The following SAMTOR variants were observed in gnomAD, a reference collection of about 807,000 sequenced individuals.
SAMTOR encodes UPF0532 protein C7orf60.
chr7:112,877,946 T>C, the SAMTOR span, among the ~76,000 whole-genome samples: 4 of 152,172 alleles, frequency 2.6e-5, no homozygotes, highest in Non-Finnish European at 4.4e-5. Flanking sequence ...ATGCTTCTTA[T>C]ATAGCCTGCA....
the SAMTOR span, among the ~76,000 whole-genome samples, chr7:112,925,677 C>A: frequency 6.6e-6 from 1 of 151,996 alleles, no homozygotes. Flanking sequence ...GCCTGTAATC[C>A]CAACTATTCG....
chr7:112,916,615 G>C, the SAMTOR span, among the ~76,000 whole-genome samples: 1 of 152,286 alleles, frequency 6.6e-6, no homozygotes, highest in Admixed American at 6.5e-5. Context: ...GCAGTGCACC[G>C]TGTGGGAGCC....
chr7:112,888,205 G>A, the SAMTOR span, among the ~76,000 whole-genome samples: 20 of 152,172 alleles, frequency 1.3e-4, no homozygotes, highest in African/African-American at 4.3e-4. Flanking sequence ...TTAGAGGTGT[G>A]ATGTTAGATC....
chr7:112,907,274 A>G, the SAMTOR span, among the ~76,000 whole-genome samples: 13 of 152,312 alleles, frequency 8.5e-5, no homozygotes, highest in Middle Eastern at 0.024. Flanking sequence ...GGGGAAATGG[A>G]TAACTTTGGT....
At chr7:112,846,498 A>C in the SAMTOR span, among the ~76,000 whole-genome samples, 1 of 152,268 alleles carries the variant, frequency 6.6e-6, no homozygotes, top group African/African-American at 2.4e-5. Flanking sequence ...CCTGAGCCTA[A>C]AATGTAAGTT....
At chr7:112,938,085 A>G in the SAMTOR span, among the ~76,000 whole-genome samples, 1 of 152,282 alleles carries the variant, frequency 6.6e-6, no homozygotes, top group Middle Eastern at 3.4e-3. Flanking sequence ...ATTGCAGGAA[A>G]ATGTGTCCAT....
the SAMTOR span, among the ~76,000 whole-genome samples, chr7:112,872,837 T>C: frequency 1.3e-5 from 2 of 150,882 alleles, no homozygotes; most frequent in East Asian, 3.9e-4. Context: ...AAAAAATCAG[T>C]AGCATTTCTA....
At chr7:112,868,702 T>A in the SAMTOR span, among the ~76,000 whole-genome samples, 3 of 152,162 alleles carry the variant, frequency 2.0e-5, no homozygotes, top group Non-Finnish European at 4.4e-5. Context: ...CATTTTAGTA[T>A]CAGTCAGAGA....
chr7:112,906,992 C>G, the SAMTOR span, among the ~76,000 whole-genome samples: 4 of 151,838 alleles, frequency 2.6e-5, no homozygotes, highest in Non-Finnish European at 4.4e-5. Flanking sequence ...ACCAGTTGAT[C>G]CTAAAGTACA....
chr7:112,931,019 T>C, the SAMTOR span, among the ~76,000 whole-genome samples: 1 of 152,220 alleles, frequency 6.6e-6, no homozygotes, highest in Non-Finnish European at 1.5e-5. Context: ...CTTTTGTCAG[T>C]CAAATGCAGT....
chr7:112,913,888 T>C, the SAMTOR span, among the ~76,000 whole-genome samples: 1 of 152,196 alleles, frequency 6.6e-6, no homozygotes. Flanking sequence ...TGCTTTATTT[T>C]TCTCATGGTG....
the SAMTOR span, among the ~76,000 whole-genome samples, chr7:112,834,841 G>A: frequency 1.3e-5 from 2 of 151,940 alleles, no homozygotes; most frequent in Non-Finnish European, 2.9e-5. Context: ...CATTGTATGG[G>A]CATTTTATCA....
the SAMTOR span, among the ~76,000 whole-genome samples, chr7:112,842,144 G>A: frequency 6.6e-6 from 1 of 151,886 alleles, no homozygotes; most frequent in African/African-American, 2.4e-5. Flanking sequence ...AATTCTTTGA[G>A]TAGAAGTCTC....
the SAMTOR span, among the ~76,000 whole-genome samples, chr7:112,921,368 T>C: frequency 2.0e-5 from 3 of 151,094 alleles, no homozygotes; most frequent in Non-Finnish European, 3.0e-5. Flanking sequence ...ATTTAATAAA[T>C]GGTGCTGGGA....
the SAMTOR span, among the ~76,000 whole-genome samples, chr7:112,893,704 C>A: frequency 6.6e-6 from 1 of 152,202 alleles, no homozygotes; most frequent in Non-Finnish European, 1.5e-5. Context: ...GAGATCCAGA[C>A]CGTCCTGGCC....
At chr7:112,908,241 C>T in the SAMTOR span, among the ~76,000 whole-genome samples, 1 of 152,102 alleles carries the variant, frequency 6.6e-6, no homozygotes, top group Non-Finnish European at 1.5e-5. Flanking sequence ...TGTGAGTGGG[C>T]CTCATTCAGT....
chr7:112,902,437 A>AC, the SAMTOR span, among the ~76,000 whole-genome samples: 3 of 71,330 alleles, frequency 4.2e-5, no homozygotes, highest in African/African-American at 7.6e-5. Context: ...AACAAAAAAA[A>AC]ACAAAAAAAA....
chr7:112,849,363 C>G, the SAMTOR span, among the ~76,000 whole-genome samples: 1 of 152,100 alleles, frequency 6.6e-6, no homozygotes, highest in Non-Finnish European at 1.5e-5. Flanking sequence ...ATCAACAGAG[C>G]TCTCTCTATC....
chr7:112,939,646 C>T, the SAMTOR span: 1 of 1,613,866 alleles, frequency 6.2e-7, no homozygotes, highest in Non-Finnish European at 8.5e-7. Context: ...CACCGGAGAG[C>T]TTCTCCTGCT....
Sources: gnomAD v4.1 joint callset for allele counts (sites outside exome capture counted in the v4.1 genomes callset) on GRCh38, gnomAD v4.1.1 for gene constraint, MANE v1.5 for transcripts, NCBI Gene and HGNC (gene_info 2026-07-23, HGNC 2026-07-21) for gene names.